The following KAT6A variants were observed in gnomAD, a reference collection of about 807,000 sequenced individuals.
KAT6A encodes the protein lysine acetyltransferase 6A.
A neutral mutation model predicts 198.4 loss-of-function variants in KAT6A; 9 were observed. The observed-to-expected ratio is 0.05, with a 90% CI of 0.03 to 0.08. The LOEUF is 0.08. KAT6A is among the 10% of genes least tolerant of loss of function. The probability of loss-of-function intolerance (pLI) is 1.00; values close to 1 mark genes in which losing one functional copy is unlikely to be tolerated. For synonymous variants in KAT6A, 890 were observed against 883.0 expected (o/e 1.01, Z -0.14); for missense variants, 2,077 against 2,509.9 (o/e 0.83, Z 3.69).
At position 41,931,468 on chromosome 8, in the gene KAT6A, A is replaced by G. The variant is rs1821538956; in HGVS notation, c.*737T>C. The G allele has an allele frequency of 4.8e-6, 1 of 206,540 alleles. No homozygotes were observed. The highest frequency in any genetic ancestry group is 9.9e-6 in the Non-Finnish European group (1 of 100,882). The allele number at this position is 206,540 out of a possible 1,614,324, so 12.8% of individuals were successfully genotyped here. On this transcript the variant is annotated 3_prime_UTR_variant, in exon 17 of 17. Coordinates refer to ENST00000265713, the MANE Select transcript of KAT6A (RefSeq NM_006766.5). ...GAGTGCTGAGTGGGAATATTTTAAA[A>G]AAGAAGAAAAAAATTATATTACACT...
Position 41,933,238 on chromosome 8 carries a change from GGCTGTGGCT to G in KAT6A, c.4973_4981del (p.Gln1658_Gln1660del). On this transcript the variant is annotated inframe_deletion, in exon 17 of 17. Coordinates refer to ENST00000265713, the MANE Select transcript of KAT6A (RefSeq NM_006766.5). The surrounding 1 kb of genome is among the most constrained non-coding windows in gnomAD (Gnocchi z 6.2). ...TGCTGGTTGTGGTTGTGGCGGCGGC[GGCTGTGGCT>G]GCTGTGGAGGCGGTGGTGGCGGCTG... The G allele has an allele frequency of 6.4e-7, 1 of 1,551,230 alleles. No homozygotes were observed. The highest frequency in any genetic ancestry group is 8.7e-7 in the Non-Finnish European group (1 of 1,153,328).
At chr8:42,005,615 C>G (rs983291466) in intron 2 of KAT6A, among the ~76,000 whole-genome samples, 1 of 152,158 alleles carries the variant, frequency 6.6e-6, no homozygotes, top group African/African-American at 2.4e-5. Context: ...TGTAATGTCA[C>G]CAGATCCAGA....
chr8:42,012,038 T>A (rs1826045549), intron 2 of KAT6A, among the ~76,000 whole-genome samples: 1 of 151,870 alleles, frequency 6.6e-6, no homozygotes, highest in Non-Finnish European at 1.5e-5. Flanking sequence ...GTTAGGGAAA[T>A]GCAAATTAAA....
intron 2 of KAT6A, among the ~76,000 whole-genome samples, chr8:42,007,801 A>G (rs1825819341): frequency 6.6e-6 from 1 of 151,972 alleles, no homozygotes; most frequent in African/African-American, 2.4e-5. Flanking sequence ...TCTCTACTAA[A>G]AATACAAAAA....
In KAT6A at chr8:42,048,511, C is replaced by A. The variant is rs1802431910; in HGVS notation, c.467G>T (p.Gly156Val). Reference sequence around the variant, plus strand: ...TCCATCTTTAAGGAGTCTGCCGTGGCCAATGGCACGTTTGATAGCCAATCG... The same window carrying A: ...TCCATCTTTAAGGAGTCTGCCGTGGACAATGGCACGTTTGATAGCCAATCG... ...QLRLAIKRAI[G>V]HGRLLKDGPL... Residue 156 changes from glycine to valine, a missense_variant, in exon 2 of 17, where the codon GGC (glycine) becomes GTC (valine). Transcript: ENST00000265713. 2 of 1,614,166 alleles carry A rather than the reference C, an allele frequency of 1.2e-6. No homozygotes were observed. Among genetic ancestry groups the A allele is most frequent in the Non-Finnish European group, 1.7e-6 (2 of 1,180,020 alleles).
intron 8 of KAT6A, among the ~76,000 whole-genome samples, chr8:41,974,152 A>T (rs1823935650): frequency 6.6e-6 from 1 of 151,672 alleles, no homozygotes; most frequent in Non-Finnish European, 1.5e-5. Context: ...ATCTCAGGTC[A>T]CTGCAACCTC....
At chr8:41,988,086 T>G (rs1279936033) in intron 2 of KAT6A, among the ~76,000 whole-genome samples, 2 of 152,238 alleles carry the variant, frequency 1.3e-5, no homozygotes, top group African/African-American at 4.8e-5. Flanking sequence ...CAACATGTAC[T>G]AAGCATCAGT....
intron 2 of KAT6A, among the ~76,000 whole-genome samples, chr8:42,021,767 C>G (rs1826545612): frequency 6.6e-6 from 1 of 152,138 alleles, no homozygotes; most frequent in African/African-American, 2.4e-5. Flanking sequence ...CCCATCTCTA[C>G]TAAAAATACA....
chr8:41,943,849 C>G lies in KAT6A; in HGVS notation c.2127G>C (p.Lys709Asn). 1 of 1,613,912 alleles carries G rather than the reference C, an allele frequency of 6.2e-7. No homozygotes were observed. The highest frequency in any genetic ancestry group is 1.1e-5 in the South Asian group (1 of 91,074). ...ILECLYHQND[K>N]QISIKKLSKL... ...TGCTTAACTTCTTAATGCTGATCTG[C>G]TTGTCATTTTGGTGATAAAGGCACT... Residue 709 changes from lysine (K) to asparagine (N), a missense_variant, in exon 13 of 17, where the codon AAG becomes AAC. Lys to Asn is a moderately conservative substitution (Grantham distance 94). Transcript: ENST00000265713.
At chr8:41,983,712 T>G (rs988997043) in intron 3 of KAT6A, among the ~76,000 whole-genome samples, 5 of 152,274 alleles carry the variant, frequency 3.3e-5, no homozygotes, top group South Asian at 2.1e-4. Flanking sequence ...TGCCAAAACA[T>G]TTTCCAAAAA....
chr8:41,987,411 C>T (rs757491437), intron 3 of KAT6A, 44 bp downstream of exon 3: 13 of 1,213,634 alleles, frequency 1.1e-5, no homozygotes, highest in African/African-American at 3.0e-5. Context: ...TTCCGCTTGC[C>T]TTCGTAACAC....
At chr8:42,030,315 C>T (rs894756700) in intron 2 of KAT6A, among the ~76,000 whole-genome samples, 1 of 152,194 alleles carries the variant, frequency 6.6e-6, no homozygotes, top group Non-Finnish European at 1.5e-5. Flanking sequence ...ACACTGGGGA[C>T]TTTCTCCCGG....
At chr8:42,043,029 G>A (rs889225664) in intron 2 of KAT6A, among the ~76,000 whole-genome samples, 29 of 152,188 alleles carry the variant, frequency 1.9e-4, no homozygotes, top group African/African-American at 6.5e-4. Flanking sequence ...TTATTTCTGA[G>A]TCATGATACT....
At chr8:42,027,251 T>C (rs1187900049) in intron 2 of KAT6A, among the ~76,000 whole-genome samples, 3 of 152,322 alleles carry the variant, frequency 2.0e-5, no homozygotes, top group South Asian at 2.1e-4. Context: ...TTTGTTGTTG[T>C]TGTTGTATTC....
At chr8:42,025,869 TTCTTG>T (rs572154937) in intron 2 of KAT6A, among the ~76,000 whole-genome samples, 30 of 152,308 alleles carry the variant, frequency 2.0e-4, no homozygotes, top group East Asian at 1.2e-3. Context: ...TTCTTGTAGC[TTCTTG>T]TCTTATGTTT....
At chr8:42,044,426 A>G (rs1587864602) in intron 2 of KAT6A, among the ~76,000 whole-genome samples, 1 of 152,024 alleles carries the variant, frequency 6.6e-6, no homozygotes, top group Non-Finnish European at 1.5e-5. Context: ...ACAGTATCCC[A>G]TGGATTCTCC....
intron 2 of KAT6A, among the ~76,000 whole-genome samples, chr8:42,025,893 T>C (rs75191777): frequency 0.1 from 15,759 of 152,222 alleles, 1,055 homozygotes; most frequent in East Asian, 0.24. Flanking sequence ...TTTCTTCAAG[T>C]AGTTTTACAG....
chr8:41,981,542 A>G (rs1824358406), intron 4 of KAT6A, among the ~76,000 whole-genome samples: 1 of 152,176 alleles, frequency 6.6e-6, no homozygotes, highest in Non-Finnish European at 1.5e-5. Flanking sequence ...ATATCAACTG[A>G]CCATCCTAAA....
rs556397366 is a variant in KAT6A, at chr8:41,959,877, A to C, written c.1483-4466T>G. ...AGGCTGAGGCAGAAGAAACACTTGA[A>C]CCCGGGAGGCAGAGGTTGCAGTGAG... On this transcript the variant is annotated intron_variant, in intron 8 of 16. Transcript: ENST00000265713. 2.9e-3 allele frequency among the ~76,000 whole-genome samples: 445 copies of C among 151,818 alleles called. 2 individuals carry two copies. The highest frequency in any genetic ancestry group is 9.4e-3 in the South Asian group (45 of 4,778).
Sources: gnomAD v4.1 joint callset for allele counts (sites outside exome capture counted in the v4.1 genomes callset) on GRCh38, gnomAD v4.1.1 for gene constraint, Gnocchi (gnomAD v3.1) non-coding constraint, MANE v1.5 for transcripts, NCBI Gene and HGNC (gene_info 2026-07-23, HGNC 2026-07-21) for gene names.